KCNQ2: variants seen among roughly 807,000 people sequenced by gnomAD.
The protein encoded by KCNQ2 is potassium voltage-gated channel subfamily KQT member 2.
Under a neutral mutation model 84.8 loss-of-function variants are expected in KCNQ2, and 14 were observed. The observed-to-expected ratio is 0.17, with a 90% CI of 0.11 to 0.26. KCNQ2 has a LOEUF of 0.26. Among genes scored for constraint, KCNQ2 ranks in the 10% least tolerant of loss-of-function variants. The pLI, the probability that KCNQ2 is intolerant of heterozygous loss-of-function variation, is 1.00. For synonymous variants in KCNQ2, 599 were observed against 554.1 expected (o/e 1.08, Z -1.14); for missense variants, 788 against 1,254.0 (o/e 0.63, Z 5.61).
At position 63,402,845 on chromosome 20, in the gene KCNQ2, C is replaced by T. The variant is rs1419366142; in HGVS notation, c.*3799G>A. ...TCCGGTGGGGGGTGTTGGGCACCTG[C>T]CCTGCTCAGACGGCTGTGTGCAGGA... is the stretch of plus-strand genomic sequence containing the variant. On this transcript the variant is annotated 3_prime_UTR_variant, in exon 17 of 17. Transcript: ENST00000359125. The T allele has an allele frequency of 1.3e-5, 2 of 152,278 alleles. No homozygotes were observed. Among genetic ancestry groups the T allele is most frequent in the East Asian group, 3.9e-4 (2 of 5,190 alleles). 9.4% of individuals were successfully genotyped at this position (152,278 alleles called of 1,614,324 possible).
At chr20:63,459,245 G>C (rs1021961299) in intron 1 of KCNQ2, 2 of 152,288 alleles carry the variant, frequency 1.3e-5, no homozygotes, top group Non-Finnish European at 2.9e-5. Flanking sequence ...GGCCAGGCCC[G>C]GCGGCCACGC....
At chr20:63,426,278 C>T (rs1286799222) in intron 10 of KCNQ2, among the ~76,000 whole-genome samples, 2 of 152,254 alleles carry the variant, frequency 1.3e-5, no homozygotes, top group Non-Finnish European at 2.9e-5. Flanking sequence ...CACATCCTTC[C>T]CGATAGCTCC....
intron 1 of KCNQ2, chr20:63,447,247 C>T (rs1043972288): frequency 7.6e-6 from 2 of 264,744 alleles, no homozygotes; most frequent in African/African-American, 2.2e-5. Context: ...AAGCAAAACC[C>T]CTGGGGCAGA....
Position 63,403,749 on chromosome 20 carries a change from ACATG to A in KCNQ2, c.*2891_*2894del, listed in dbSNP as rs2079857616. On this transcript the variant is annotated 3_prime_UTR_variant, in exon 17 of 17. Coordinates refer to ENST00000359125, the MANE Select transcript of KCNQ2 (RefSeq NM_172107.4). ...CGTGCATGTGTACGCCTGTATGCGG[ACATG>A]TATGTGAGCACGTGTGTGTGCCAGT... The A allele has an allele frequency of 6.6e-6, 1 of 152,408 alleles. No individual in the cohort carries two copies. The highest frequency in any genetic ancestry group is 1.9e-4 in the East Asian group (1 of 5,186). 9.4% of individuals were successfully genotyped at this position (152,408 alleles called of 1,614,324 possible).
Position 63,446,929 on chromosome 20 carries a change from G to A in KCNQ2, c.297-92C>T, listed in dbSNP as rs1358160556. The A allele has an allele frequency of 1.8e-6, 2 of 1,112,766 alleles. No individual in the cohort carries two copies. The highest frequency in any genetic ancestry group is 2.4e-5 in the East Asian group (1 of 42,520). 68.9% of individuals were successfully genotyped at this position (1,112,766 alleles called of 1,614,324 possible). On this transcript the variant is annotated intron_variant, in intron 1 of 16. Transcript: ENST00000359125. This position sits in a 1 kb window ranked among gnomAD's most constrained non-coding sequence, Gnocchi z 5.5. Reference sequence around the variant, plus strand: ...AACTCAGGACCCCACTCCCCACCAGGCCGCAGCAGGGCACCAGCATGGCCG... The same window carrying A: ...AACTCAGGACCCCACTCCCCACCAGACCGCAGCAGGGCACCAGCATGGCCG...
In KCNQ2 at chr20:63,433,919, C is replaced by T. The variant is rs1240554353; in HGVS notation, c.1024-16G>A. The T allele has an allele frequency of 6.2e-7, 1 of 1,612,354 alleles. No individual in the cohort carries two copies. On this transcript the variant is annotated splice_polypyrimidine_tract_variant and intron_variant, in intron 7 of 16. Transcript: ENST00000359125. ...TCCAGGCCGACTGCGGAGGGAAAGA[C>T]AAGGCAGTTGGCGAGGGGCAGGCGG...
In KCNQ2 at chr20:63,439,920, G is replaced by A. The variant is rs573485581; in HGVS notation, c.817-212C>T. The A allele has an allele frequency of 1.4e-3, 903 of 627,370 alleles. 7 individuals carry two copies. In the African/African-American group the frequency reaches 0.015, roughly 10 times the overall value. The allele number at this position is 627,370 out of a possible 1,614,324, so 38.9% of individuals were successfully genotyped here. ...TCCTCTTCCCCTACAGGCCAGAAGC[G>A]GGGTCCAGCCAAAGGCTGTGTCCCC... On this transcript the variant is annotated intron_variant, in intron 5 of 16. Coordinates refer to ENST00000359125, the MANE Select transcript of KCNQ2 (RefSeq NM_172107.4).
intron 15 of KCNQ2, chr20:63,411,164 C>T (rs1568870211): frequency 2.4e-5 from 9 of 369,230 alleles, no homozygotes; most frequent in South Asian, 1.4e-4. Flanking sequence ...ACGCCTGTGC[C>T]GGGCACCTGG....
intron 1 of KCNQ2, among the ~76,000 whole-genome samples, chr20:63,465,663 G>A (rs575106661): frequency 9.2e-5 from 14 of 152,278 alleles, no homozygotes; most frequent in East Asian, 1.9e-4. Flanking sequence ...CTCCTCCTTC[G>A]ACCTTGCATC....
At position 63,446,294 on chromosome 20, in the gene KCNQ2, C is replaced by T. The variant is rs199789776; in HGVS notation, c.387+453G>A. ...CAGTCTCCTTGAGGGCCCCCCACCC[C>T]GTTACCAACAGCAACACAGGAACTG... On this transcript the variant is annotated intron_variant, in intron 2 of 16. Transcript: ENST00000359125. The surrounding 1 kb of genome is among the most constrained non-coding windows in gnomAD (Gnocchi z 5.5). 1.6e-5 allele frequency: 4 copies of T among 256,950 alleles called. No individual in the cohort carries two copies. Among genetic ancestry groups the T allele is most frequent in the Non-Finnish European group, 3.1e-5 (4 of 130,976 alleles). The allele number at this position is 256,950 out of a possible 1,614,324, so 15.9% of individuals were successfully genotyped here.
rs1341757920 is a variant in KCNQ2 at position 63,460,376 on chromosome 20, C to T, written c.296+11792G>A. On this transcript the variant is annotated intron_variant, in intron 1 of 16. Coordinates refer to ENST00000359125, the MANE Select transcript of KCNQ2 (RefSeq NM_172107.4). The surrounding 1 kb of genome is among the most constrained non-coding windows in gnomAD (Gnocchi z 5.4). ...ATGGGCTCAAGCTGCCTGTCAGCCC[C>T]ACCCGAAACCCATTCAGGTGCTGAG... 6.6e-6 allele frequency among the ~76,000 whole-genome samples: 1 copy of T among 152,156 alleles called. No individual in the cohort carries two copies. The highest frequency in any genetic ancestry group is 1.5e-5 in the Non-Finnish European group (1 of 68,012).
chr20:63,444,255 C>T (rs1042571148), intron 4 of KCNQ2, among the ~76,000 whole-genome samples: 47 of 152,204 alleles, frequency 3.1e-4, no homozygotes, highest in Non-Finnish European at 4.9e-4. Context: ...CCCCGGACAG[C>T]GGCCGCCGCA....
At chr20:63,411,964 G>T (rs1227040138) in intron 15 of KCNQ2, 4 of 680,858 alleles carry the variant, frequency 5.9e-6, no homozygotes, top group Non-Finnish European at 1.1e-5. Flanking sequence ...AGGAACTGGC[G>T]GAAACGGAAG....
chr20:63,469,556 C>T (rs1194199743), intron 1 of KCNQ2, among the ~76,000 whole-genome samples: 3 of 152,262 alleles, frequency 2.0e-5, no homozygotes, highest in East Asian at 1.9e-4. Flanking sequence ...GTGGCTACCC[C>T]GGGTCCAACA....
chr20:63,414,368 C>A lies in KCNQ2; in HGVS notation c.1526-175G>T, dbSNP rs1435508207. ...CCACCCATCTGCACCCAGCTGCTCT[C>A]GAGTCAGGACCTTCCCCGGCAGGCT... On this transcript the variant is annotated intron_variant, in intron 13 of 16. Transcript: ENST00000359125. This position sits in a 1 kb window ranked among gnomAD's most constrained non-coding sequence, Gnocchi z 6.6. 6.6e-6 allele frequency among the ~76,000 whole-genome samples: 1 copy of A among 152,184 alleles called. No homozygotes were observed. Among genetic ancestry groups the A allele is most frequent in the East Asian group, 1.9e-4 (1 of 5,170 alleles).
chr20:63,442,854 C>T (rs973624978), intron 4 of KCNQ2, among the ~76,000 whole-genome samples: 122 of 39,836 alleles, frequency 3.1e-3, no homozygotes, highest in African/African-American at 0.011. Flanking sequence ...ATCACCATCA[C>T]CACCACCATC....
At chr20:63,450,025 T>G (rs1256427786) in intron 1 of KCNQ2, among the ~76,000 whole-genome samples, 1 of 151,648 alleles carries the variant, frequency 6.6e-6, no homozygotes, top group Non-Finnish European at 1.5e-5. Flanking sequence ...CCTGCGCCCC[T>G]GGAACCCGCC....
Position 63,472,610 on chromosome 20 carries a change from C to T in KCNQ2, c.-147G>A. On this transcript the variant is annotated 5_prime_UTR_variant, in exon 1 of 17. Coordinates refer to ENST00000359125, the MANE Select transcript of KCNQ2 (RefSeq NM_172107.4). The stretch of plus-strand genomic sequence containing the variant: ...GCACTCCTGCCGGGCTTGGGCCGCG[C>T]GCGGAGACGCTGCGGCCACCTCGCT... The T allele has an allele frequency of 1.9e-6, 1 of 536,424 alleles. No homozygotes were observed. The highest frequency in any genetic ancestry group is 2.5e-6 in the Non-Finnish European group (1 of 403,826). The allele number at this position is 536,424 out of a possible 1,614,324, so 33.2% of individuals were successfully genotyped here. A position where few individuals can be genotyped will look rare whatever the true frequency, so the allele number is the denominator to read the frequency against.
chr20:63,438,757 C>T lies in KCNQ2; in HGVS notation c.928-37G>A. 1 of 1,572,804 alleles carries T rather than the reference C, an allele frequency of 6.4e-7. No individual in the cohort carries two copies. Among genetic ancestry groups the T allele is most frequent in the Non-Finnish European group, 8.7e-7 (1 of 1,147,042 alleles). ...CAGGGTCAGGTCACACCCCAGGGAC[C>T]CCCCACACCCCAATTCATCAGGGTC... On this transcript the variant is annotated intron_variant, in intron 6 of 16. Coordinates refer to ENST00000359125, the MANE Select transcript of KCNQ2 (RefSeq NM_172107.4). The surrounding 1 kb of genome is among the most constrained non-coding windows in gnomAD (Gnocchi z 5.1).
Sources: allele counts gnomAD v4.1 joint callset (sites outside exome capture counted in the v4.1 genomes callset), GRCh38; gene constraint gnomAD v4.1.1; non-coding constraint Gnocchi (gnomAD v3.1); transcripts MANE v1.5; gene names NCBI Gene and HGNC (gene_info 2026-07-23, HGNC 2026-07-21).